Variants in NKAIN3 observed in about 807,000 individuals in gnomAD.
NKAIN3 encodes sodium/potassium-transporting ATPase subunit beta-1-interacting protein 3.
NKAIN3 carries 25 observed loss-of-function variants against 30.2 expected under a neutral mutation model. The observed-to-expected ratio is 0.83, with a 90% CI of 0.60 to 1.16. The LOEUF is 1.16. Ranked by LOEUF, NKAIN3 falls within the 50% of genes most tolerant of loss-of-function variation. NKAIN3 has a pLI of 0.00. For synonymous variants in NKAIN3, 91 were observed against 89.6 expected (o/e 1.02, Z -0.09); for missense variants, 225 against 254.1 (o/e 0.89, Z 0.78).
intron 1 of NKAIN3, among the ~76,000 whole-genome samples, chr8:62,556,652 T>A (rs1235674260): frequency 2.0e-5 from 3 of 151,908 alleles, no homozygotes; most frequent in Non-Finnish European, 4.4e-5. Flanking sequence ...GTGATATAGC[T>A]ATGCCAGATA....
intron 1 of NKAIN3, among the ~76,000 whole-genome samples, chr8:62,544,857 C>A (rs1442215802): frequency 6.6e-6 from 1 of 151,984 alleles, no homozygotes; most frequent in Non-Finnish European, 1.5e-5. Context: ...ATGAAATAGT[C>A]ATTTAACACA....
intron 1 of NKAIN3, among the ~76,000 whole-genome samples, chr8:62,564,398 C>T (rs540739292): frequency 2.0e-5 from 3 of 152,118 alleles, no homozygotes; most frequent in African/African-American, 7.2e-5. Context: ...ATCAAAACAG[C>T]TCCAAACCCG....
chr8:62,892,225 C>G (rs900379892), intron 4 of NKAIN3, among the ~76,000 whole-genome samples: 2 of 152,128 alleles, frequency 1.3e-5, no homozygotes, highest in South Asian at 4.1e-4. Context: ...AAATAATAAA[C>G]AGAAATAAAA....
chr8:62,489,543 C>G (rs1807006655), intron 1 of NKAIN3, among the ~76,000 whole-genome samples: 1 of 151,936 alleles, frequency 6.6e-6, no homozygotes, highest in African/African-American at 2.4e-5. Context: ...ATCTGGGTAA[C>G]CAAGATTTTT....
rs541433089 is a variant in NKAIN3 at position 62,596,688 on chromosome 8, G to A, written c.273+6894G>A. 6.6e-5 allele frequency among the ~76,000 whole-genome samples: 10 copies of A among 152,084 alleles called. No individual in the cohort carries two copies. In the South Asian group the frequency reaches 1.9e-3, roughly 28 times the overall value. On this transcript the variant is annotated intron_variant, in intron 3 of 6. Coordinates refer to ENST00000623646, the MANE Select transcript of NKAIN3 (RefSeq NM_001304533.3). ...TACTTTCAAGTATTCCGTTATCACCGACCACTGCATACCCCACTTTTCAAA... is the reference window on the plus strand; with the variant it reads ...TACTTTCAAGTATTCCGTTATCACCAACCACTGCATACCCCACTTTTCAAA...
chr8:62,634,615 T>C (rs1812068634), intron 3 of NKAIN3, among the ~76,000 whole-genome samples: 1 of 152,170 alleles, frequency 6.6e-6, no homozygotes, highest in Admixed American at 6.5e-5. Flanking sequence ...GAGTAGTAGC[T>C]GCACTTCTCA....
intron 4 of NKAIN3, among the ~76,000 whole-genome samples, chr8:62,811,140 G>T (rs138913956): frequency 6.6e-6 from 1 of 151,952 alleles, no homozygotes; most frequent in Non-Finnish European, 1.5e-5. Context: ...TTTACAAATG[G>T]ACTCATACAG....
At chr8:62,811,019 T>C (rs1006475511) in intron 4 of NKAIN3, among the ~76,000 whole-genome samples, 23 of 152,058 alleles carry the variant, frequency 1.5e-4, no homozygotes, top group African/African-American at 5.3e-4. Context: ...ATTCCTTCTG[T>C]TGCTCTTTTA....
intron 1 of NKAIN3, among the ~76,000 whole-genome samples, chr8:62,453,198 T>C (rs1297623114): frequency 6.6e-6 from 1 of 152,172 alleles, no homozygotes; most frequent in African/African-American, 2.4e-5. Flanking sequence ...TTCAATATCA[T>C]ACTTTTTTTG....
intron 4 of NKAIN3, among the ~76,000 whole-genome samples, chr8:62,795,209 A>G (rs1817824647): frequency 6.6e-6 from 1 of 152,200 alleles, no homozygotes; most frequent in Non-Finnish European, 1.5e-5. Flanking sequence ...ATCTGCTGCT[A>G]AAACCTTATC....
chr8:62,847,813 G>A (rs528079038), intron 4 of NKAIN3, among the ~76,000 whole-genome samples: 1 of 152,034 alleles, frequency 6.6e-6, no homozygotes, highest in Non-Finnish European at 1.5e-5. Context: ...TAGTTTTGGG[G>A]ATTACATTTA....
intron 3 of NKAIN3, among the ~76,000 whole-genome samples, chr8:62,743,018 TG>T (rs1477396039): frequency 1.3e-5 from 2 of 152,134 alleles, no homozygotes; most frequent in Admixed American, 6.6e-5. Context: ...TAGAATAGCA[TG>T]GGGAAAACCA....
At chr8:62,344,319 A>T (rs1220796830) in intron 1 of NKAIN3, among the ~76,000 whole-genome samples, 2 of 152,142 alleles carry the variant, frequency 1.3e-5, no homozygotes, top group East Asian at 3.9e-4. Flanking sequence ...GTAATTATGT[A>T]CATATATTAT....
chr8:62,439,447 C>A (rs750288041), intron 1 of NKAIN3, among the ~76,000 whole-genome samples: 1 of 152,118 alleles, frequency 6.6e-6, no homozygotes, highest in Non-Finnish European at 1.5e-5. Flanking sequence ...GGTGTTTGAG[C>A]CTGGAAGCAA....
At chr8:62,858,243 CG>C (rs1200258874) in intron 4 of NKAIN3, among the ~76,000 whole-genome samples, 1 of 151,314 alleles carries the variant, frequency 6.6e-6, no homozygotes, top group African/African-American at 2.4e-5. Context: ...AGCTCCATCC[CG>C]GGGGGTACGG....
At chr8:62,255,699 A>G (rs529505750) in intron 1 of NKAIN3, among the ~76,000 whole-genome samples, 441 of 152,328 alleles carry the variant, frequency 2.9e-3, no homozygotes, top group African/African-American at 0.01. Context: ...GGTTGAGACC[A>G]TGTCATGGCA....
Position 62,734,311 on chromosome 8 carries a change from G to T in NKAIN3, c.274-12621G>T, listed in dbSNP as rs114035596. Among the ~76,000 whole-genome samples the T allele has an allele frequency of 3.5e-3, 531 of 152,224 alleles. 1 individual carries two copies. Among genetic ancestry groups the T allele is most frequent in the African/African-American group, 0.011 (471 of 41,544 alleles). Reference sequence around the variant, plus strand: ...CAAACAAACAAACAAAACTTTTTATGTAATAATTCTAAAATCTAAAGTTGC... The same window carrying T: ...CAAACAAACAAACAAAACTTTTTATTTAATAATTCTAAAATCTAAAGTTGC... On this transcript the variant is annotated intron_variant, in intron 3 of 6. Coordinates refer to ENST00000623646, the MANE Select transcript of NKAIN3 (RefSeq NM_001304533.3).
chr8:62,960,211 C>T (rs1001127537), intron 6 of NKAIN3, among the ~76,000 whole-genome samples: 1 of 152,180 alleles, frequency 6.6e-6, no homozygotes, highest in Non-Finnish European at 1.5e-5. Flanking sequence ...CAACTGGCAA[C>T]ATGCAAGAGG....
intron 1 of NKAIN3, among the ~76,000 whole-genome samples, chr8:62,405,840 G>T (rs1447975440): frequency 6.6e-6 from 1 of 152,132 alleles, no homozygotes; most frequent in South Asian, 2.1e-4. Context: ...GCTCTGCCTC[G>T]ACATTCAAGT....
Sources: gnomAD v4.1 joint callset for allele counts (sites outside exome capture counted in the v4.1 genomes callset) on GRCh38, gnomAD v4.1.1 for gene constraint, MANE v1.5 for transcripts, NCBI Gene and HGNC (gene_info 2026-07-23, HGNC 2026-07-21) for gene names.